The following ADARB1 variants were observed in gnomAD, a reference collection of about 807,000 sequenced individuals.
ADARB1 encodes double-stranded RNA-specific editase 1.
In ADARB1, 10 loss-of-function variants were observed where a neutral mutation model predicts 52.4. The observed-to-expected ratio is 0.19, with a 90% CI of 0.12 to 0.32. The LOEUF is 0.32. Ranked by LOEUF, ADARB1 falls within the 10% of genes least tolerant of loss-of-function variation. ADARB1 has a pLI of 1.00. For missense variants in ADARB1, 643 were observed against 922.3 expected (o/e 0.70, Z 3.92); for synonymous variants, 349 against 371.1 (o/e 0.94, Z 0.68).
intron 8 of ADARB1, among the ~76,000 whole-genome samples, chr21:45,186,239 T>C (rs944759675): frequency 2.6e-5 from 4 of 152,240 alleles, no homozygotes; most frequent in Non-Finnish European, 4.4e-5. Flanking sequence ...CCTATATTTT[T>C]GGAGCTATTT....
chr21:45,123,528 C>T (rs961997495), intron 1 of ADARB1, among the ~76,000 whole-genome samples: 2 of 152,176 alleles, frequency 1.3e-5, no homozygotes, highest in African/African-American at 4.8e-5. Flanking sequence ...TGTTCTTGAA[C>T]TCTTGGGCTC....
At chr21:45,191,880 A>ATT (rs777269104) in intron 8 of ADARB1, among the ~76,000 whole-genome samples, 47 of 15,650 alleles carry the variant, frequency 3.0e-3, no homozygotes, top group Non-Finnish European at 4.4e-3. Context: ...ATATATATAT[A>ATT]TTTTTTTTTT....
chr21:45,171,813 G>A, intron 3 of ADARB1, 129 bp downstream of exon 3: 1 of 832,278 alleles, frequency 1.2e-6, no homozygotes, highest in Non-Finnish European at 1.9e-6. Context: ...TCTACTGACA[G>A]TGGCATGTTT....
chr21:45,140,254 G>A (rs571900088), intron 2 of ADARB1, among the ~76,000 whole-genome samples: 1 of 152,226 alleles, frequency 6.6e-6, no homozygotes, highest in South Asian at 2.1e-4. Context: ...ACAAATGTAT[G>A]CCAGTGCCAC....
chr21:45,104,627 T>C (rs2087167958), intron 1 of ADARB1, among the ~76,000 whole-genome samples: 1 of 152,240 alleles, frequency 6.6e-6, no homozygotes, highest in South Asian at 2.1e-4. Context: ...TGAGGTGGTC[T>C]GTTTTGGCTA....
chr21:45,136,676 C>T (rs898438168), intron 2 of ADARB1, among the ~76,000 whole-genome samples: 5 of 152,236 alleles, frequency 3.3e-5, no homozygotes, highest in Admixed American at 2.6e-4. Context: ...CACCAGCCAG[C>T]GGCTGCTGGG....
chr21:45,137,506 G>A (rs1293110894), intron 2 of ADARB1, among the ~76,000 whole-genome samples: 2 of 152,192 alleles, frequency 1.3e-5, no homozygotes, highest in Non-Finnish European at 2.9e-5. Flanking sequence ...GGAGCTTTGT[G>A]CTTTAGTGAC....
intron 1 of ADARB1, among the ~76,000 whole-genome samples, chr21:45,090,555 C>G (rs1277500889): frequency 6.6e-6 from 1 of 152,088 alleles, no homozygotes; most frequent in Non-Finnish European, 1.5e-5. Context: ...TTACAAAATT[C>G]CTGAAAATGT....
intron 8 of ADARB1, among the ~76,000 whole-genome samples, chr21:45,195,401 A>G (rs1569152055): frequency 2.6e-5 from 4 of 152,236 alleles, no homozygotes; most frequent in African/African-American, 9.6e-5. Flanking sequence ...AGAACTTTTT[A>G]ATTTTAATAA....
chr21:45,144,505 A>C (rs2089910043), intron 2 of ADARB1: 1 of 268,558 alleles, frequency 3.7e-6, no homozygotes, highest in Non-Finnish European at 7.5e-6. Context: ...TAAAATTGTA[A>C]ACTGTCAGTT....
chr21:45,129,220 C>T (rs1454219619), intron 2 of ADARB1, among the ~76,000 whole-genome samples: 1 of 151,688 alleles, frequency 6.6e-6, no homozygotes, highest in Non-Finnish European at 1.5e-5. Flanking sequence ...CAGAGCAAGA[C>T]TCTTTCTCAA....
chr21:45,175,305 A>G (rs1342350224), intron 3 of ADARB1, among the ~76,000 whole-genome samples: 1 of 152,208 alleles, frequency 6.6e-6, no homozygotes, highest in African/African-American at 2.4e-5. Flanking sequence ...GGAAGATGCT[A>G]AAATAAATAT....
rs746604572 is a variant in ADARB1, at chr21:45,185,105, G to A, written c.1565+14G>A. 8.1e-6 allele frequency: 13 copies of A among 1,611,372 alleles called. No individual in the cohort carries two copies. Among genetic ancestry groups the A allele is most frequent in the Admixed American group, 6.7e-5 (4 of 59,906 alleles). On this transcript the variant is annotated intron_variant, in intron 8 of 10. Transcript: ENST00000348831. ...CAAGATTGCACGGTAAGGGGCGGGG[G>A]CTCCCTGTGGCCACCTCCCTGCACA...
intron 9 of ADARB1, among the ~76,000 whole-genome samples, chr21:45,213,395 T>C (rs2092806281): frequency 1.3e-5 from 2 of 152,230 alleles, no homozygotes; most frequent in Admixed American, 1.3e-4. Context: ...CACAACTTTA[T>C]TGAGGTATAA....
chr21:45,126,372 G>GT (rs1378851011), intron 1 of ADARB1, among the ~76,000 whole-genome samples: 9 of 152,116 alleles, frequency 5.9e-5, no homozygotes, highest in East Asian at 1.9e-4. Context: ...CCACTGTTTT[G>GT]TTTTTTCAGC....
chr21:45,134,748 T>G (rs547095103), intron 2 of ADARB1: 1 of 531,744 alleles, frequency 1.9e-6, no homozygotes, highest in African/African-American at 1.9e-5. Context: ...CACACCCTCA[T>G]TCATCCAGCG....
intron 1 of ADARB1, among the ~76,000 whole-genome samples, chr21:45,123,243 C>T (rs566377891): frequency 2.2e-4 from 34 of 151,708 alleles, no homozygotes; most frequent in African/African-American, 7.3e-4. Flanking sequence ...ATAACTCCCC[C>T]TCATCCATAT....
At chr21:45,212,224 A>T (rs1341837267) in intron 9 of ADARB1, among the ~76,000 whole-genome samples, 1 of 152,182 alleles carries the variant, frequency 6.6e-6, no homozygotes, top group African/African-American at 2.4e-5. Flanking sequence ...ATGGTCAGAG[A>T]TTCCCCAGCA....
intron 4 of ADARB1, 29 bp from the exon 5 acceptor site, chr21:45,180,301 C>A: frequency 7.7e-6 from 12 of 1,548,866 alleles, no homozygotes; most frequent in Non-Finnish European, 1.1e-5. Context: ...GCATCTGGCC[C>A]CTAACCTGCA....
Sources: allele counts gnomAD v4.1 joint callset (sites outside exome capture counted in the v4.1 genomes callset), GRCh38; gene constraint gnomAD v4.1.1; transcripts MANE v1.5; gene names NCBI Gene and HGNC (gene_info 2026-07-23, HGNC 2026-07-21).